Variants in MEGF10 observed in about 807,000 individuals in gnomAD.
The protein encoded by MEGF10 is multiple epidermal growth factor-like domains protein 10.
Under a neutral mutation model 147.5 loss-of-function variants are expected in MEGF10, and 86 were observed. The ratio of observed to expected loss-of-function variants is 0.58; its 90% CI spans 0.49 to 0.70. MEGF10 has a LOEUF of 0.70. Among genes scored for constraint, MEGF10 ranks in the 30% least tolerant of loss-of-function variants. MEGF10 has a pLI of 0.00. For synonymous variants in MEGF10, 478 were observed against 525.5 expected (o/e 0.91, Z 1.24); for missense variants, 1,329 against 1,487.3 (o/e 0.89, Z 1.75).
the MEGF10 span, among the ~76,000 whole-genome samples, chr5:127,268,837 C>T: frequency 6.6e-6 from 1 of 152,246 alleles, no homozygotes; most frequent in Non-Finnish European, 1.5e-5. Flanking sequence ...GAGGCACCCC[C>T]AAGTGGGGGC....
At chr5:127,250,583 C>T in the MEGF10 span, among the ~76,000 whole-genome samples, 2 of 151,876 alleles carry the variant, frequency 1.3e-5, no homozygotes, top group Non-Finnish European at 2.9e-5. Context: ...AGAAACATTC[C>T]TACTAAAGTT....
At chr5:127,437,696 G>C (rs1312658595) in intron 16 of MEGF10, among the ~76,000 whole-genome samples, 1 of 152,120 alleles carries the variant, frequency 6.6e-6, no homozygotes, top group Non-Finnish European at 1.5e-5. Context: ...TGATTTAATT[G>C]TATTATTTTC....
At chr5:127,239,472 AT>A in the MEGF10 span, among the ~76,000 whole-genome samples, 95 of 144,226 alleles carry the variant, frequency 6.6e-4, 2 homozygotes, top group African/African-American at 2.2e-3. Context: ...ATATATATAT[AT>A]ATAATATATA....
At chr5:127,303,701 T>A (rs1237857158) in intron 1 of MEGF10, among the ~76,000 whole-genome samples, 5 of 152,220 alleles carry the variant, frequency 3.3e-5, no homozygotes, top group African/African-American at 1.2e-4. Context: ...CTATGTCCAG[T>A]GGACAAATGT....
chr5:127,428,141 A>ATTTTTTTTTTTTTTTTT (rs66935934), intron 13 of MEGF10, among the ~76,000 whole-genome samples: 10 of 103,572 alleles, frequency 9.7e-5, no homozygotes, highest in African/African-American at 1.5e-4. Flanking sequence ...GGTGTCTGGT[A>ATTTTTTTTTTTTTTTTT]TTTTTTTTTT....
intron 2 of MEGF10, among the ~76,000 whole-genome samples, chr5:127,335,826 G>A (rs530226679): frequency 7.9e-5 from 12 of 151,856 alleles, no homozygotes; most frequent in Non-Finnish European, 1.5e-4. Context: ...TGAGAGCTAT[G>A]GAGTTCTGTC....
chr5:127,321,927 T>C (rs190341630), intron 1 of MEGF10, among the ~76,000 whole-genome samples: 20 of 152,328 alleles, frequency 1.3e-4, no homozygotes, highest in Non-Finnish European at 2.5e-4. Flanking sequence ...CTCCTCCTTC[T>C]CCTTATTATA....
the MEGF10 span, among the ~76,000 whole-genome samples, chr5:127,230,194 T>G: frequency 6.6e-6 from 1 of 152,128 alleles, no homozygotes; most frequent in African/African-American, 2.4e-5. Context: ...AGCTCTCTCA[T>G]CAGCAGCCAT....
the MEGF10 span, among the ~76,000 whole-genome samples, chr5:127,235,498 G>A: frequency 1.3e-5 from 2 of 152,216 alleles, no homozygotes; most frequent in Non-Finnish European, 2.9e-5. Flanking sequence ...GTTTGGACTA[G>A]TTGTTTTTAG....
intron 24 of MEGF10, among the ~76,000 whole-genome samples, chr5:127,456,147 C>G (rs1766356708): frequency 6.6e-6 from 1 of 152,142 alleles, no homozygotes; most frequent in Non-Finnish European, 1.5e-5. Context: ...GCTAATATAT[C>G]TACTTAGCCG....
intron 9 of MEGF10, among the ~76,000 whole-genome samples, chr5:127,415,182 G>A (rs1350681473): frequency 6.6e-6 from 1 of 152,206 alleles, no homozygotes; most frequent in Non-Finnish European, 1.5e-5. Context: ...GCAGTGGCCA[G>A]ATGATGAGGC....
At chr5:127,266,627 G>C in the MEGF10 span, among the ~76,000 whole-genome samples, 1 of 152,032 alleles carries the variant, frequency 6.6e-6, no homozygotes, top group Non-Finnish European at 1.5e-5. Context: ...TCCTAGAAGA[G>C]GTCCTTCACA....
At chr5:127,247,455 GAAGAAGAAGAAGAAGAAGAAGAAGAA>G in the MEGF10 span, among the ~76,000 whole-genome samples, 2 of 129,168 alleles carry the variant, frequency 1.5e-5, no homozygotes, top group Non-Finnish European at 3.3e-5. Context: ...AGAAGAAGAA[GAAGAAGAAGAAGAAGAAGAAGAAGAA>G]GAAGAAAAAT....
At chr5:127,365,913 A>G (rs1762636283) in intron 4 of MEGF10, among the ~76,000 whole-genome samples, 1 of 152,172 alleles carries the variant, frequency 6.6e-6, no homozygotes, top group Non-Finnish European at 1.5e-5. Context: ...CACACTTATA[A>G]TGGGTCCTTT....
chr5:127,372,098 A>G (rs1762870086), intron 5 of MEGF10, among the ~76,000 whole-genome samples: 1 of 152,180 alleles, frequency 6.6e-6, no homozygotes, highest in Admixed American at 6.5e-5. Flanking sequence ...GTCTAGTAAT[A>G]TGCTACTTAG....
chr5:127,296,403 A>G (rs992207012), intron 1 of MEGF10, among the ~76,000 whole-genome samples: 14 of 152,208 alleles, frequency 9.2e-5, no homozygotes, highest in Admixed American at 7.2e-4. Flanking sequence ...AAGCACCTCA[A>G]TTTCCTACTT....
At chr5:127,435,777 A>G (rs904805183) in intron 16 of MEGF10, among the ~76,000 whole-genome samples, 1 of 152,140 alleles carries the variant, frequency 6.6e-6, no homozygotes, top group Non-Finnish European at 1.5e-5. Flanking sequence ...AATAAAGCAA[A>G]AACAGCTGTA....
At chr5:127,437,278 CTT>C (rs1453684234) in intron 16 of MEGF10, among the ~76,000 whole-genome samples, 1 of 152,132 alleles carries the variant, frequency 6.6e-6, no homozygotes, top group African/African-American at 2.4e-5. Context: ...TCTATGTGAC[CTT>C]GTACGAGTCA....
In MEGF10 at chr5:127,339,363, A is replaced by T. The variant is rs999317979; in HGVS notation, c.218+142A>T. 14 of 581,976 alleles carry T rather than the reference A, an allele frequency of 2.4e-5. No homozygotes were observed. In the African/African-American group the frequency reaches 2.7e-4, roughly 11 times the overall value. The allele number at this position is 581,976 out of a possible 1,614,324, so 36.1% of individuals were successfully genotyped here. A position where few individuals can be genotyped will look rare whatever the true frequency, so the allele number is the denominator to read the frequency against. ...TTGCTCCTGTCTTATTTTTGTGCCA[A>T]ATCACAGGGGATGTAGAAAAGCAGA... On this transcript the variant is annotated intron_variant, in intron 3 of 24. Transcript: ENST00000503335.
Sources: gnomAD v4.1 joint callset for allele counts (sites outside exome capture counted in the v4.1 genomes callset) on GRCh38, gnomAD v4.1.1 for gene constraint, MANE v1.5 for transcripts, NCBI Gene and HGNC (gene_info 2026-07-23, HGNC 2026-07-21) for gene names.